Variants in KCNT2 observed in about 807,000 individuals in gnomAD.
KCNT2 encodes the protein potassium sodium-activated channel subfamily T member 2, also known as potassium channel subfamily T member 2.
In KCNT2, 67 loss-of-function variants were observed where a neutral mutation model predicts 153.8. The observed-to-expected ratio is 0.44, with a 90% CI of 0.36 to 0.53. KCNT2 has a LOEUF of 0.53. Ranked by LOEUF, KCNT2 falls within the 20% of genes least tolerant of loss-of-function variation. The pLI, the probability that KCNT2 is intolerant of heterozygous loss-of-function variation, is 0.00. For missense variants in KCNT2, 975 were observed against 1,354.8 expected (o/e 0.72, Z 4.40); for synonymous variants, 500 against 458.8 (o/e 1.09, Z -1.15).
chr1:196,529,011 G>A, intron 1 of KCNT2, among the ~76,000 whole-genome samples: 1 of 152,058 alleles, frequency 6.6e-6, no homozygotes, highest in East Asian at 1.9e-4. Context: ...AAAAAATGTT[G>A]ATTGTAACAT....
Position 196,248,816 on chromosome 1 carries a change from G to A in KCNT2, c.3211+9378C>T, listed in dbSNP as rs1655680072. ...CTTTCTAAGAGGCCAGTATTACCTTGATACAAAAACCAAATAAAGATACAT... is the reference window on the plus strand; with the variant it reads ...CTTTCTAAGAGGCCAGTATTACCTTAATACAAAAACCAAATAAAGATACAT... On this transcript the variant is annotated intron_variant, in intron 26 of 27. Transcript: ENST00000294725. Among the ~76,000 whole-genome samples the A allele has an allele frequency of 2.6e-5, 4 of 152,076 alleles. No homozygotes were observed. The South Asian group carries it at 8.3e-4, about 31-fold the overall frequency.
intron 1 of KCNT2, among the ~76,000 whole-genome samples, chr1:196,544,417 G>A (rs6663649): frequency 0.84 from 127,727 of 151,828 alleles, 57,875 homozygotes; most frequent in Non-Finnish European, 1. Context: ...AGATACAAAC[G>A]AATGTTTACT....
chr1:196,247,347 GC>G (rs954092481), intron 26 of KCNT2, among the ~76,000 whole-genome samples: 1 of 152,142 alleles, frequency 6.6e-6, no homozygotes, highest in African/African-American at 2.4e-5. Flanking sequence ...GACTTCAACA[GC>G]CCTCTTTCAA....
intron 12 of KCNT2, among the ~76,000 whole-genome samples, chr1:196,402,950 G>C (rs946937127): frequency 6.6e-6 from 1 of 151,630 alleles, no homozygotes. Context: ...ACAGGAAGTT[G>C]CATTCATTGC....
intron 8 of KCNT2, among the ~76,000 whole-genome samples, chr1:196,462,781 A>G (rs79222284): frequency 6.6e-6 from 1 of 151,892 alleles, no homozygotes; most frequent in Non-Finnish European, 1.5e-5. Flanking sequence ...GTTTTAAACA[A>G]CTAATGTACA....
chr1:196,310,115 G>A (rs1281841596), intron 21 of KCNT2, among the ~76,000 whole-genome samples: 1 of 151,582 alleles, frequency 6.6e-6, no homozygotes, highest in African/African-American at 2.4e-5. Context: ...GTATCATAAA[G>A]CAAAAAACAC....
chr1:196,356,629 A>T (rs1182159036), intron 14 of KCNT2, among the ~76,000 whole-genome samples: 2 of 151,726 alleles, frequency 1.3e-5, no homozygotes, highest in Non-Finnish European at 2.9e-5. Context: ...CTACCTATTG[A>T]CCTCCTCCTG....
At position 196,242,213 on chromosome 1, in the gene KCNT2, T is replaced by C. The variant is rs901679022; in HGVS notation, c.3212-6143A>G. Among the ~76,000 whole-genome samples the C allele has an allele frequency of 5.3e-5, 8 of 152,120 alleles. 1 individual carries two copies. The highest frequency in any genetic ancestry group is 2.0e-4 in the Admixed American group (3 of 15,262). On this transcript the variant is annotated intron_variant, in intron 26 of 27. Coordinates refer to ENST00000294725, the MANE Select transcript of KCNT2 (RefSeq NM_198503.5). Reference sequence around the variant, plus strand: ...CAGATTGTCTTCATAGTAAGGAACATAGTGTACATTTATATTTAAATAGAA... The same window carrying C: ...CAGATTGTCTTCATAGTAAGGAACACAGTGTACATTTATATTTAAATAGAA...
rs1235259439 is a variant in KCNT2 at position 196,503,700 on chromosome 1, T to C, written c.96-11359A>G. ...ATAGGTCTCAAAGAGTTGGGCTATG[T>C]TCAACAGATGAGAGTTATTTGTATG... is the stretch of plus-strand genomic sequence containing the variant. On this transcript the variant is annotated intron_variant, in intron 1 of 27. Transcript: ENST00000294725. Among the ~76,000 whole-genome samples the C allele has an allele frequency of 2.6e-5, 4 of 152,182 alleles. No homozygotes were observed. In the East Asian group the frequency reaches 5.8e-4, roughly 22 times the overall value.
intron 12 of KCNT2, among the ~76,000 whole-genome samples, chr1:196,416,431 T>C (rs894833886): frequency 1.3e-5 from 2 of 152,052 alleles, no homozygotes; most frequent in African/African-American, 4.8e-5. Context: ...ATAGTATATA[T>C]AGGGTTTGGT....
chr1:196,346,558 ATTT>A (rs1232975457), intron 14 of KCNT2, among the ~76,000 whole-genome samples: 19 of 152,092 alleles, frequency 1.2e-4, no homozygotes, highest in Admixed American at 4.6e-4. Context: ...ACTGCACATT[ATTT>A]TTAAGTATAT....
At chr1:196,515,177 G>A (rs1352048329) in intron 1 of KCNT2, among the ~76,000 whole-genome samples, 5 of 152,174 alleles carry the variant, frequency 3.3e-5, no homozygotes, top group Non-Finnish European at 7.4e-5. Context: ...TCTGTGATAA[G>A]GATAACTTCA....
chr1:196,300,049 A>T (rs1661035126), intron 22 of KCNT2, among the ~76,000 whole-genome samples: 1 of 152,220 alleles, frequency 6.6e-6, no homozygotes, highest in Admixed American at 6.5e-5. Context: ...AGTCTTTGTA[A>T]GCTTTAATAA....
intron 1 of KCNT2, among the ~76,000 whole-genome samples, chr1:196,606,913 CCAAA>C (rs959141911): frequency 6.6e-6 from 1 of 151,916 alleles, no homozygotes; most frequent in Non-Finnish European, 1.5e-5. Context: ...TTCAGTTTAC[CCAAA>C]CACTTTACAA....
intron 8 of KCNT2, among the ~76,000 whole-genome samples, chr1:196,432,276 G>C (rs924760831): frequency 2.0e-5 from 3 of 152,078 alleles, no homozygotes; most frequent in African/African-American, 7.2e-5. Flanking sequence ...GAGAGCCTTG[G>C]GGCCAAGAAA....
intron 1 of KCNT2, among the ~76,000 whole-genome samples, chr1:196,492,862 C>A (rs1177925114): frequency 6.6e-6 from 1 of 152,072 alleles, no homozygotes; most frequent in African/African-American, 2.4e-5. Context: ...TTTAGGACAC[C>A]ACACTCTGTA....
At position 196,257,890 on chromosome 1, in the gene KCNT2, T is replaced by C. The variant is rs145892096; in HGVS notation, c.3211+304A>G. 502 of 977,674 alleles carry C rather than the reference T, an allele frequency of 5.1e-4. 10 individuals are homozygous for C. The highest frequency in any genetic ancestry group is 5.3e-4 in the Middle Eastern group (1 of 1,900). The allele number at this position is 977,674 out of a possible 1,614,324, so 60.6% of individuals were successfully genotyped here. Reference sequence around the variant, plus strand: ...TAATTAGAAGGCTACCTGACTTAGGTTCTTTACTTCTAACATGAAAACACA... The same window carrying C: ...TAATTAGAAGGCTACCTGACTTAGGCTCTTTACTTCTAACATGAAAACACA... On this transcript the variant is annotated intron_variant, in intron 26 of 27. Transcript: ENST00000294725.
chr1:196,592,318 A>G (rs1214713803), intron 1 of KCNT2, among the ~76,000 whole-genome samples: 1 of 151,750 alleles, frequency 6.6e-6, no homozygotes, highest in Non-Finnish European at 1.5e-5. Context: ...GAAGTCATGG[A>G]GACAGAAAGT....
chr1:196,333,081 T>C (rs1664646948), intron 17 of KCNT2, among the ~76,000 whole-genome samples: 1 of 151,442 alleles, frequency 6.6e-6, no homozygotes, highest in Non-Finnish European at 1.5e-5. Flanking sequence ...TGAGCCACTG[T>C]GCCCAGCTGC....
Sources: gnomAD v4.1 joint callset for allele counts (sites outside exome capture counted in the v4.1 genomes callset) on GRCh38, gnomAD v4.1.1 for gene constraint, MANE v1.5 for transcripts, NCBI Gene and HGNC (gene_info 2026-07-23, HGNC 2026-07-21) for gene names.